Variants in ATG13 observed in about 807,000 individuals in gnomAD.
The protein encoded by ATG13 is autophagy related 13, also known as autophagy-related protein 13.
A neutral mutation model predicts 65.5 loss-of-function variants in ATG13; 23 were observed. That is an observed-to-expected ratio of 0.35 (90% confidence interval 0.25 to 0.50). The LOEUF is 0.50. Among genes scored for constraint, ATG13 ranks in the 20% least tolerant of loss-of-function variants. The pLI, the probability that ATG13 is intolerant of heterozygous loss-of-function variation, is 0.98. For missense variants in ATG13, 566 were observed against 677.0 expected (o/e 0.84, Z 1.82); for synonymous variants, 252 against 245.2 (o/e 1.03, Z -0.26).
chr11:46,629,181 G>A (rs1484636781), intron 1 of ATG13, among the ~76,000 whole-genome samples: 3 of 151,898 alleles, frequency 2.0e-5, no homozygotes, highest in Non-Finnish European at 4.4e-5. Flanking sequence ...GACCTCAGAT[G>A]CCCCACCCAC....
Position 46,650,309 on chromosome 11 carries a change from A to C in ATG13, c.450A>C (p.Ile150=), listed in dbSNP as rs771773631. 6.2e-7 allele frequency: 1 copy of C among 1,613,732 alleles called. No homozygotes were observed. The highest frequency in any genetic ancestry group is 8.5e-7 in the Non-Finnish European group (1 of 1,179,786). ...GGAAACAAGGGCATGAATATGTCAT[A>C]TTATACAGGTAAACAGCATAGATGG... ...LSRKQGHEYV[I]LYRIYFGEVQ... Residue 150 remains isoleucine, a synonymous_variant, in exon 7 of 19, where the codon ATA becomes ATC. Transcript: ENST00000683050.
Position 46,633,026 on chromosome 11 carries a change from A to ATTT in ATG13, c.-14+2939_-14+2941dup, listed in dbSNP as rs746504456. Among the ~76,000 whole-genome samples, 633 of 90,620 alleles carry ATTT rather than the reference A, an allele frequency of 7.0e-3. 10 individuals are homozygous for ATTT. The highest frequency in any genetic ancestry group is 0.036 in the African/African-American group (553 of 15,456). The allele number at this position is 90,620 out of a possible 152,430, so 59.5% of individuals were successfully genotyped here. On this transcript the variant is annotated intron_variant, in intron 2 of 18. Transcript: ENST00000683050. ...AAAATATATATATATATATATATAT[A>ATTT]TTTTTTTTTTTTTTTGGCAACGGGG... is the stretch of plus-strand genomic sequence containing the variant.
chr11:46,635,276 G>C lies in ATG13; in HGVS notation c.-14+5176G>C, dbSNP rs192854354. ...TGCCCTCAGCTTCCCAAAGTGCTGG[G>C]ATTACAGGCGTGAGCCACCGAGCTT... On this transcript the variant is annotated intron_variant, in intron 2 of 18. Transcript: ENST00000683050. 1.5e-4 allele frequency among the ~76,000 whole-genome samples: 23 copies of C among 152,264 alleles called. No individual in the cohort carries two copies. In the East Asian group the frequency reaches 4.0e-3, roughly 27 times the overall value.
At chr11:46,637,605 C>A (rs1299914656) in intron 2 of ATG13, among the ~76,000 whole-genome samples, 1 of 152,074 alleles carries the variant, frequency 6.6e-6, no homozygotes, top group African/African-American at 2.4e-5. Context: ...AAATTCCTGA[C>A]CTCAAGTGAT....
intron 5 of ATG13, among the ~76,000 whole-genome samples, chr11:46,646,300 C>T (rs1169487711): frequency 6.6e-6 from 1 of 152,032 alleles, no homozygotes; most frequent in African/African-American, 2.4e-5. Context: ...AGGTACATGC[C>T]ACCATGCCTG....
intron 7 of ATG13, among the ~76,000 whole-genome samples, chr11:46,655,135 C>T (rs996561898): frequency 5.4e-5 from 8 of 148,312 alleles, no homozygotes; most frequent in African/African-American, 1.3e-4. Context: ...CGCAGTGGCT[C>T]ACGCCTGTAA....
At chr11:46,618,889 C>G (rs1402249399) in intron 1 of ATG13, among the ~76,000 whole-genome samples, 1 of 152,062 alleles carries the variant, frequency 6.6e-6, no homozygotes, top group Non-Finnish European at 1.5e-5. Flanking sequence ...GCCTTCATAG[C>G]TAACTTTAAT....
chr11:46,620,294 C>T (rs185060112), intron 1 of ATG13, among the ~76,000 whole-genome samples: 2 of 150,914 alleles, frequency 1.3e-5, no homozygotes, highest in African/African-American at 2.4e-5. Context: ...GAGGTTTCAC[C>T]GAGTTGGCCA....
At position 46,668,558 on chromosome 11, in the gene ATG13, G is replaced by A; in HGVS notation, c.1311G>A (p.Leu437=). Residue 437 remains leucine, a synonymous_variant, in exon 16 of 19, where the codon CTG becomes CTA. Transcript: ENST00000683050. ...TGTTTGCTCCCAAGAATTTGGAGCTGGAGGATACCGATCCAATGGTGAGCC... is the reference window on the plus strand; with the variant it reads ...TGTTTGCTCCCAAGAATTTGGAGCTAGAGGATACCGATCCAATGGTGAGCC... ...FAMFAPKNLE[L]EDTDPMVNPP... The A allele has an allele frequency of 6.2e-7, 1 of 1,614,200 alleles. No individual in the cohort carries two copies. Among genetic ancestry groups the A allele is most frequent in the East Asian group, 2.2e-5 (1 of 44,884 alleles).
At chr11:46,637,539 A>G (rs1377354762) in intron 2 of ATG13, among the ~76,000 whole-genome samples, 1 of 152,102 alleles carries the variant, frequency 6.6e-6, no homozygotes, top group East Asian at 1.9e-4. Context: ...CTCCTGGCTA[A>G]TTTTTGTATT....
intron 1 of ATG13, among the ~76,000 whole-genome samples, chr11:46,620,288 T>A (rs2047035544): frequency 6.6e-6 from 1 of 150,502 alleles, no homozygotes; most frequent in African/African-American, 2.4e-5. Context: ...GGAGATGAGG[T>A]TTCACCGAGT....
intron 2 of ATG13, among the ~76,000 whole-genome samples, chr11:46,638,063 TG>T (rs1345166555): frequency 5.9e-5 from 9 of 152,244 alleles, no homozygotes; most frequent in African/African-American, 2.2e-4. Context: ...ATGTCTAAAT[TG>T]TGTAGTGACC....
At chr11:46,650,899 C>T (rs989870509) in intron 7 of ATG13, among the ~76,000 whole-genome samples, 8 of 152,112 alleles carry the variant, frequency 5.3e-5, no homozygotes, top group Non-Finnish European at 1.0e-4. Context: ...CCACGGCACC[C>T]GGCCTGGAAG....
Position 46,630,115 on chromosome 11 carries a change from G to A in ATG13, c.-14+15G>A, listed in dbSNP as rs1049200585. On this transcript the variant is annotated intron_variant, in intron 2 of 18. Coordinates refer to ENST00000683050, the MANE Select transcript of ATG13 (RefSeq NM_001346311.2). ...TGGGACTACAGGTATGTGCCACCAG[G>A]CCCCATTTCTTTTTAAGCCATATAA... is the stretch of plus-strand genomic sequence containing the variant. 6.6e-6 allele frequency: 1 copy of A among 152,054 alleles called. No homozygotes were observed. Among genetic ancestry groups the A allele is most frequent in the Non-Finnish European group, 1.5e-5 (1 of 68,026 alleles). The allele number at this position is 152,054 out of a possible 1,614,324, so 9.4% of individuals were successfully genotyped here. A position where few individuals can be genotyped will look rare whatever the true frequency, so the allele number is the denominator to read the frequency against.
At chr11:46,653,730 C>T (rs889001990) in intron 7 of ATG13, among the ~76,000 whole-genome samples, 8 of 151,826 alleles carry the variant, frequency 5.3e-5, no homozygotes, top group African/African-American at 9.7e-5. Flanking sequence ...CCACCACGCC[C>T]GGCTAATTTT....
At chr11:46,651,126 G>A (rs1002427900) in intron 7 of ATG13, among the ~76,000 whole-genome samples, 1 of 152,184 alleles carries the variant, frequency 6.6e-6, no homozygotes, top group Non-Finnish European at 1.5e-5. Context: ...TGTGCCAGGA[G>A]AACTTAAGAA....
chr11:46,629,809 T>TG (rs2051050864), intron 1 of ATG13: 1 of 152,224 alleles, frequency 6.6e-6, no homozygotes, highest in South Asian at 2.1e-4. Context: ...AATTTTTGAC[T>TG]GATTACAAAT....
At chr11:46,663,717 A>G (rs1237609073) in intron 11 of ATG13, among the ~76,000 whole-genome samples, 3 of 152,156 alleles carry the variant, frequency 2.0e-5, no homozygotes, top group African/African-American at 7.2e-5. Context: ...CTGTTTTGCC[A>G]AGTTGTAGCC....
At chr11:46,645,800 G>T in intron 4 of ATG13, 70 bp from the exon 5 acceptor site, 2 of 1,592,564 alleles carry the variant, frequency 1.3e-6, no homozygotes, top group Non-Finnish European at 1.7e-6. Context: ...GCATTACCCA[G>T]CATACACTAA....
Sources: gnomAD v4.1 joint callset for allele counts (sites outside exome capture counted in the v4.1 genomes callset) on GRCh38, gnomAD v4.1.1 for gene constraint, MANE v1.5 for transcripts, NCBI Gene and HGNC (gene_info 2026-07-23, HGNC 2026-07-21) for gene names.